HECTD2: variants seen among roughly 807,000 people sequenced by gnomAD.
HECTD2 encodes HECT domain E3 ubiquitin protein ligase 2.
Under a neutral mutation model 103.2 loss-of-function variants are expected in HECTD2, and 35 were observed. The observed-to-expected ratio is 0.34, with a 90% CI of 0.26 to 0.45. The LOEUF is 0.45. HECTD2 is among the 20% of genes least tolerant of loss of function. The pLI, the probability that HECTD2 is intolerant of heterozygous loss-of-function variation, is 1.00. For missense variants in HECTD2, 596 were observed against 937.4 expected (o/e 0.64, Z 4.76); for synonymous variants, 281 against 329.9 (o/e 0.85, Z 1.61).
chr10:91,484,459 A>G, intron 8 of HECTD2, 48 bp from the exon 9 acceptor site: 1 of 1,576,506 alleles, frequency 6.3e-7, no homozygotes, highest in Non-Finnish European at 8.6e-7. Flanking sequence ...TAATTTTGGA[A>G]ATAGAAAATG....
At chr10:91,428,944 C>T (rs1390769601) in intron 2 of HECTD2, among the ~76,000 whole-genome samples, 2 of 151,962 alleles carry the variant, frequency 1.3e-5, no homozygotes, top group African/African-American at 4.8e-5. Context: ...GAGGGCATCC[C>T]TGTCTTGTGC....
chr10:91,419,263 G>A (rs1843255056), intron 1 of HECTD2, among the ~76,000 whole-genome samples: 1 of 152,086 alleles, frequency 6.6e-6, no homozygotes, highest in Non-Finnish European at 1.5e-5. Flanking sequence ...TATTCTTATT[G>A]GCATTGGTAG....
chr10:91,480,367 T>G (rs536405319), intron 6 of HECTD2, among the ~76,000 whole-genome samples: 1 of 151,940 alleles, frequency 6.6e-6, no homozygotes, highest in Non-Finnish European at 1.5e-5. Flanking sequence ...CTTGTCAGCA[T>G]AGAGAATGAC....
intron 19 of HECTD2, among the ~76,000 whole-genome samples, chr10:91,500,985 C>CT (rs1381674543): frequency 2.6e-5 from 4 of 152,036 alleles, no homozygotes; most frequent in Non-Finnish European, 5.9e-5. Context: ...CACTGCTGAA[C>CT]TTATATACTT....
intron 11 of HECTD2, chr10:91,488,082 C>T (rs1397097833): frequency 1.6e-5 from 3 of 187,790 alleles, no homozygotes; most frequent in East Asian, 2.5e-4. Flanking sequence ...TACCACCAAC[C>T]TTAGATAACC....
chr10:91,506,320 C>A (rs1210729344), intron 20 of HECTD2, among the ~76,000 whole-genome samples: 1 of 151,438 alleles, frequency 6.6e-6, no homozygotes, highest in Non-Finnish European at 1.5e-5. Flanking sequence ...CTTCAATAAA[C>A]TAATGAATCC....
intron 11 of HECTD2, chr10:91,489,289 G>A (rs546299132): frequency 1.7e-4 from 26 of 152,234 alleles, no homozygotes; most frequent in African/African-American, 6.3e-4. Flanking sequence ...TTTTTTATGG[G>A]TGTTTCCCAA....
chr10:91,464,467 C>T (rs533871990), intron 5 of HECTD2: 1 of 152,744 alleles, frequency 6.5e-6, no homozygotes, highest in Admixed American at 6.5e-5. Context: ...ATAATTATCC[C>T]TTATCTCACT....
chr10:91,448,898 C>CA (rs1844657427), intron 2 of HECTD2, among the ~76,000 whole-genome samples: 2 of 82,894 alleles, frequency 2.4e-5, no homozygotes, highest in South Asian at 5.0e-4. Context: ...GCCTACCAAC[C>CA]AAAAAAAGCC....
chr10:91,440,009 A>G (rs1293434164), intron 2 of HECTD2, among the ~76,000 whole-genome samples: 1 of 152,200 alleles, frequency 6.6e-6, no homozygotes, highest in African/African-American at 2.4e-5. Flanking sequence ...TTCCAAATAT[A>G]TAATCATGTC....
At chr10:91,422,660 G>A (rs1181922952) in intron 1 of HECTD2, among the ~76,000 whole-genome samples, 1 of 151,990 alleles carries the variant, frequency 6.6e-6, no homozygotes, top group Admixed American at 6.6e-5. Flanking sequence ...CACTAGTTTT[G>A]TGTACCTGAA....
intron 5 of HECTD2, among the ~76,000 whole-genome samples, chr10:91,464,223 A>G (rs2066616223): frequency 6.6e-6 from 1 of 152,224 alleles, no homozygotes; most frequent in South Asian, 2.1e-4. Context: ...AAAGGCCAGA[A>G]TGACCCAGTT....
At chr10:91,425,579 C>G (rs1188675506) in intron 2 of HECTD2, among the ~76,000 whole-genome samples, 169 bp downstream of exon 2, 1 of 151,258 alleles carries the variant, frequency 6.6e-6, no homozygotes, top group Non-Finnish European at 1.5e-5. Flanking sequence ...GTGAATGTTA[C>G]CTAGAGTAAG....
At chr10:91,427,185 A>G (rs1420228619) in intron 2 of HECTD2, among the ~76,000 whole-genome samples, 2 of 151,320 alleles carry the variant, frequency 1.3e-5, no homozygotes, top group Non-Finnish European at 2.9e-5. Context: ...TGAACTCATC[A>G]TTTTTTATGG....
chr10:91,439,573 T>A (rs1005199169), intron 2 of HECTD2, among the ~76,000 whole-genome samples: 3 of 152,190 alleles, frequency 2.0e-5, no homozygotes, highest in African/African-American at 7.2e-5. Context: ...CAGGCTCTTT[T>A]TGGTTCCACA....
intron 1 of HECTD2, among the ~76,000 whole-genome samples, chr10:91,414,559 A>G (rs904573987): frequency 1.3e-5 from 2 of 152,254 alleles, no homozygotes; most frequent in African/African-American, 4.8e-5. Flanking sequence ...GCAAAGCAAT[A>G]TGTAAAAACC....
chr10:91,433,895 A>G (rs1844002756), intron 2 of HECTD2, among the ~76,000 whole-genome samples: 1 of 151,968 alleles, frequency 6.6e-6, no homozygotes, highest in South Asian at 2.1e-4. Context: ...TGGAATGTCA[A>G]ACCCATCTCA....
intron 2 of HECTD2, among the ~76,000 whole-genome samples, chr10:91,443,907 A>T (rs1023000416): frequency 1.3e-5 from 2 of 152,320 alleles, no homozygotes; most frequent in Non-Finnish European, 2.9e-5. Flanking sequence ...TACTGCAAAC[A>T]CTAATTGGAC....
At chr10:91,479,130 G>A (rs760154143) in intron 6 of HECTD2, among the ~76,000 whole-genome samples, 3 of 152,134 alleles carry the variant, frequency 2.0e-5, no homozygotes, top group Non-Finnish European at 2.9e-5. Flanking sequence ...CAGGAGAGTC[G>A]TTCGAATCCT....
Sources: gnomAD v4.1 joint callset for allele counts (sites outside exome capture counted in the v4.1 genomes callset) on GRCh38, gnomAD v4.1.1 for gene constraint, MANE v1.5 for transcripts, NCBI Gene and HGNC (gene_info 2026-07-23, HGNC 2026-07-21) for gene names.